The following NAALADL2 variants were observed in gnomAD, a reference collection of about 807,000 sequenced individuals.
The protein encoded by NAALADL2 is N-acetylated alpha-linked acidic dipeptidase like 2.
A neutral mutation model predicts 87.2 loss-of-function variants in NAALADL2; 76 were observed. The observed-to-expected ratio is 0.87, with a 90% CI of 0.72 to 1.05. The LOEUF (loss-of-function observed/expected upper bound fraction) is 1.05. Among genes scored for constraint, NAALADL2 ranks in the 50% least tolerant of loss-of-function variants. The pLI is 0.00. For synonymous variants in NAALADL2, 354 were observed against 331.0 expected, an observed-to-expected ratio of 1.07 and a Z score of -0.75; for missense variants, 1,089 against 945.8, an observed-to-expected ratio of 1.15 and a Z score of -1.99.
At chr3:174,483,377 C>A (rs1717675525) in intron 1 of NAALADL2, among the ~76,000 whole-genome samples, 1 of 151,454 alleles carries the variant, frequency 6.6e-6, no homozygotes. Flanking sequence ...GGGAAAGAGT[C>A]CCTTATAAGA....
rs143979803 is a variant in NAALADL2 at position 175,307,598 on chromosome 3, A to G, written c.940-16577A>G. The stretch of plus-strand genomic sequence containing the variant: ...CTGTAAGCATTTTTTGTCTTTGTCT[A>G]TGAGCAATTCAATTATTTTCTTTCT... On this transcript the variant is annotated intron_variant, in intron 4 of 13. Coordinates refer to ENST00000454872, the MANE Select transcript of NAALADL2 (RefSeq NM_207015.3). 6.7e-3 allele frequency among the ~76,000 whole-genome samples: 1,020 copies of G among 152,298 alleles called. 1 individual carries two copies. Among genetic ancestry groups the G allele is most frequent in the Middle Eastern group, 0.014 (4 of 290 alleles).
intron 1 of NAALADL2, among the ~76,000 whole-genome samples, chr3:174,492,947 T>A (rs1444459019): frequency 6.6e-6 from 1 of 152,220 alleles, no homozygotes; most frequent in African/African-American, 2.4e-5. Context: ...TAGCTCCATT[T>A]CTTACTGCTG....
chr3:175,419,337 T>C (rs1321634664), intron 5 of NAALADL2, among the ~76,000 whole-genome samples: 1 of 151,912 alleles, frequency 6.6e-6, no homozygotes, highest in Admixed American at 6.6e-5. Context: ...TCCTCTGTTT[T>C]ATATTTCTCA....
At chr3:175,137,568 C>T (rs6650902) in intron 2 of NAALADL2, among the ~76,000 whole-genome samples, 103 of 150,358 alleles carry the variant, frequency 6.9e-4, no homozygotes, top group African/African-American at 2.3e-3. Flanking sequence ...TTTTAGATTA[C>T]ATTTCTACAA....
intron 4 of NAALADL2, among the ~76,000 whole-genome samples, chr3:175,301,673 T>G (rs1347169716): frequency 6.6e-6 from 1 of 152,110 alleles, no homozygotes; most frequent in East Asian, 1.9e-4. Flanking sequence ...TAACAACTGA[T>G]GTATACCAGA....
chr3:175,665,304 T>C (rs1732807530), intron 11 of NAALADL2, among the ~76,000 whole-genome samples: 1 of 152,234 alleles, frequency 6.6e-6, no homozygotes. Context: ...AAAATGAGTA[T>C]CTTTTAAAAT....
intron 9 of NAALADL2, among the ~76,000 whole-genome samples, chr3:175,513,146 CACTT>C (rs1553913869): frequency 2.6e-5 from 4 of 152,112 alleles, no homozygotes; most frequent in Admixed American, 2.6e-4. Context: ...ACAATTCACT[CACTT>C]ACTTATTTAA....
At chr3:175,772,188 A>G (rs1245556405) in intron 13 of NAALADL2, among the ~76,000 whole-genome samples, 1 of 152,200 alleles carries the variant, frequency 6.6e-6, no homozygotes, top group Non-Finnish European at 1.5e-5. Context: ...TCAATGCACC[A>G]GATAATACAG....
intron 1 of NAALADL2, among the ~76,000 whole-genome samples, chr3:175,067,929 T>C (rs1194451395): frequency 1.3e-5 from 2 of 151,918 alleles, no homozygotes; most frequent in Non-Finnish European, 2.9e-5. Context: ...TGAAATGAAG[T>C]CTTTGAAACA....
intron 2 of NAALADL2, among the ~76,000 whole-genome samples, chr3:175,106,917 T>A (rs932917809): frequency 6.8e-6 from 1 of 146,812 alleles, no homozygotes; most frequent in Admixed American, 7.0e-5. Flanking sequence ...TATGCAAAAG[T>A]ATCGAATCAA....
intron 2 of NAALADL2, among the ~76,000 whole-genome samples, chr3:174,666,833 T>A (rs771335715): frequency 6.6e-5 from 10 of 152,180 alleles, no homozygotes; most frequent in Non-Finnish European, 1.2e-4. Flanking sequence ...ACAACAACTT[T>A]CATTTTCTAC....
chr3:175,568,409 G>A (rs1171442565), intron 9 of NAALADL2, among the ~76,000 whole-genome samples: 1 of 152,092 alleles, frequency 6.6e-6, no homozygotes, highest in Non-Finnish European at 1.5e-5. Flanking sequence ...ATCTGGTGAT[G>A]CAATATGATA....
In NAALADL2 at chr3:174,973,937, T is replaced by G. The variant is rs572996384; in HGVS notation, c.43+114487T>G. On this transcript the variant is annotated intron_variant, in intron 1 of 13. Transcript: ENST00000454872. ...CAAGTTGAAAAACTTGTTTCAGGTTTAATTTTGCACTGCACAAACCAAAAT... is the reference window on the plus strand; with the variant it reads ...CAAGTTGAAAAACTTGTTTCAGGTTGAATTTTGCACTGCACAAACCAAAAT... Among the ~76,000 whole-genome samples, 22 of 152,334 alleles carry G rather than the reference T, an allele frequency of 1.4e-4. 1 individual carries two copies. The South Asian group carries it at 3.7e-3, about 26-fold the overall frequency.
rs899567114 is a variant in NAALADL2 at position 175,697,486 on chromosome 3, G to C, written c.1897-39820G>C. Among the ~76,000 whole-genome samples, 5 of 151,386 alleles carry C rather than the reference G, an allele frequency of 3.3e-5. No individual in the cohort carries two copies. In the Admixed American group the frequency reaches 3.3e-4, roughly 10 times the overall value. On this transcript the variant is annotated intron_variant, in intron 11 of 13. Coordinates refer to ENST00000454872, the MANE Select transcript of NAALADL2 (RefSeq NM_207015.3). ...ACTTTTGATTTTAGGTGTAGTAGTT[G>C]AGTTAGAGTTATGGGATAACTCTGA...
chr3:174,597,451 G>A (rs751775047), intron 2 of NAALADL2, among the ~76,000 whole-genome samples: 2 of 152,206 alleles, frequency 1.3e-5, no homozygotes, highest in Non-Finnish European at 2.9e-5. Flanking sequence ...GAACTCTCCT[G>A]AAATCTATGT....
chr3:175,586,327 G>T (rs1056163750), intron 10 of NAALADL2, among the ~76,000 whole-genome samples: 1 of 152,196 alleles, frequency 6.6e-6, no homozygotes, highest in Admixed American at 6.5e-5. Context: ...ATAGATTGAG[G>T]TCAACGCTAC....
chr3:174,951,932 G>A (rs988800026), intron 1 of NAALADL2, among the ~76,000 whole-genome samples: 4 of 151,982 alleles, frequency 2.6e-5, no homozygotes, highest in Admixed American at 2.6e-4. Context: ...AGCATACCAA[G>A]CTCTTCAGTT....
At chr3:174,447,036 T>C (rs937104630) in intron 1 of NAALADL2, among the ~76,000 whole-genome samples, 5 of 152,220 alleles carry the variant, frequency 3.3e-5, no homozygotes, top group African/African-American at 1.2e-4. Context: ...CTACTAATTA[T>C]GCAGGAAACC....
At position 175,194,241 on chromosome 3, in the gene NAALADL2, T is replaced by G. The variant is rs570816564; in HGVS notation, c.546-39690T>G. ...TTGGAACCAAAGTTAACAGGTTGAATGAAATTTTGCTTATGGCATCTGTTG... is the reference window on the plus strand; with the variant it reads ...TTGGAACCAAAGTTAACAGGTTGAAGGAAATTTTGCTTATGGCATCTGTTG... On this transcript the variant is annotated intron_variant, in intron 2 of 13. Coordinates refer to ENST00000454872, the MANE Select transcript of NAALADL2 (RefSeq NM_207015.3). 6.6e-5 allele frequency among the ~76,000 whole-genome samples: 10 copies of G among 152,050 alleles called. No homozygotes were observed. The East Asian group carries it at 1.9e-3, about 29-fold the overall frequency.
Sources: allele counts gnomAD v4.1 joint callset (sites outside exome capture counted in the v4.1 genomes callset), GRCh38; gene constraint gnomAD v4.1.1; transcripts MANE v1.5; gene names NCBI Gene and HGNC (gene_info 2026-07-23, HGNC 2026-07-21).